The following OSBPL6 variants were observed in gnomAD, a reference collection of about 807,000 sequenced individuals.
OSBPL6 encodes the protein oxysterol-binding protein-related protein 6.
A neutral mutation model predicts 125.8 loss-of-function variants in OSBPL6; 49 were observed. The ratio of observed to expected loss-of-function variants is 0.39; its 90% CI spans 0.31 to 0.49. The LOEUF (loss-of-function observed/expected upper bound fraction) is 0.49. Among genes scored for constraint, OSBPL6 ranks in the 20% least tolerant of loss-of-function variants. The pLI, the probability that OSBPL6 is intolerant of heterozygous loss-of-function variation, is 0.88. For missense variants in OSBPL6, 986 were observed against 1,135.4 expected (o/e 0.87, Z 1.89); for synonymous variants, 394 against 391.8 (o/e 1.01, Z -0.07).
chr2:178,289,138 C>T (rs1025667160), intron 2 of OSBPL6, among the ~76,000 whole-genome samples: 2 of 151,140 alleles, frequency 1.3e-5, no homozygotes, highest in Non-Finnish European at 2.9e-5. Flanking sequence ...CTGGCTCACC[C>T]TCCCGAGTAG....
intron 2 of OSBPL6, among the ~76,000 whole-genome samples, chr2:178,298,126 GT>G (rs1685927392): frequency 6.6e-6 from 1 of 152,068 alleles, no homozygotes; most frequent in Admixed American, 6.5e-5. Flanking sequence ...TACAGTATTT[GT>G]TTTTTGTTCT....
chr2:178,329,827 A>G (rs16866256), intron 5 of OSBPL6, among the ~76,000 whole-genome samples: 3,858 of 152,268 alleles, frequency 0.025, 229 homozygotes, highest in East Asian at 0.22. Context: ...GGGCAGATAA[A>G]TTTATTGGCC....
intron 11 of OSBPL6, among the ~76,000 whole-genome samples, chr2:178,341,428 T>C (rs369437434): frequency 6.6e-6 from 1 of 151,888 alleles, no homozygotes; most frequent in Admixed American, 6.6e-5. Context: ...AGAAAAGTTA[T>C]GAAGATTTTT....
chr2:178,385,815 A>G (rs1203784052), intron 19 of OSBPL6, among the ~76,000 whole-genome samples: 1 of 152,232 alleles, frequency 6.6e-6, no homozygotes, highest in Non-Finnish European at 1.5e-5. Context: ...TATTGTCTGC[A>G]TCTGTAACAT....
intron 23 of OSBPL6, among the ~76,000 whole-genome samples, chr2:178,393,874 T>C (rs1338432066): frequency 1.3e-5 from 2 of 152,214 alleles, no homozygotes; most frequent in Non-Finnish European, 2.9e-5. Flanking sequence ...GTTCTCAAAA[T>C]AGACGGAGAA....
intron 21 of OSBPL6, 28 bp downstream of exon 21, chr2:178,389,181 A>G: frequency 1.9e-6 from 3 of 1,603,046 alleles, no homozygotes; most frequent in Non-Finnish European, 2.6e-6. Context: ...ACAGTAAAGG[A>G]AAATGAGTAT....
chr2:178,278,464 C>T (rs941328735), intron 1 of OSBPL6, among the ~76,000 whole-genome samples: 1 of 152,108 alleles, frequency 6.6e-6, no homozygotes, highest in African/African-American at 2.4e-5. Flanking sequence ...TCAATCAATA[C>T]TTAGTGGTGG....
chr2:178,227,338 A>G (rs1481315722), intron 1 of OSBPL6, among the ~76,000 whole-genome samples: 2 of 152,220 alleles, frequency 1.3e-5, no homozygotes, highest in Non-Finnish European at 2.9e-5. Context: ...GATCCACAGG[A>G]TCTCATATCC....
chr2:178,391,888 A>G (rs926353192), intron 22 of OSBPL6, among the ~76,000 whole-genome samples: 1 of 152,234 alleles, frequency 6.6e-6, no homozygotes, highest in Admixed American at 6.5e-5. Context: ...TAGCTTATTC[A>G]TTCCGCAACT....
intron 17 of OSBPL6, 119 bp from the exon 18 acceptor site, chr2:178,383,920 A>T (rs1694710898): frequency 8.6e-7 from 1 of 1,168,908 alleles, no homozygotes; most frequent in Admixed American, 2.2e-5. Flanking sequence ...TAGAAAATGC[A>T]ACTGTCATCA....
At chr2:178,252,151 G>A (rs113542188) in intron 1 of OSBPL6, among the ~76,000 whole-genome samples, 1,040 of 36,052 alleles carry the variant, frequency 0.029, 9 homozygotes, top group African/African-American at 0.25. Context: ...GAATGTTATC[G>A]TTTCATTTCT....
chr2:178,254,229 T>C (rs1243534701), intron 1 of OSBPL6, among the ~76,000 whole-genome samples: 1 of 152,010 alleles, frequency 6.6e-6, no homozygotes, highest in East Asian at 1.9e-4. Context: ...CCGTTTCTAC[T>C]AAAAATACAA....
intron 1 of OSBPL6, among the ~76,000 whole-genome samples, chr2:178,270,037 T>C (rs1473302350): frequency 1.3e-5 from 2 of 152,130 alleles, no homozygotes; most frequent in African/African-American, 2.4e-5. Flanking sequence ...TATGGGTTAG[T>C]GGCCACAGCC....
chr2:178,234,916 G>T (rs983822527), intron 1 of OSBPL6, among the ~76,000 whole-genome samples: 2 of 152,108 alleles, frequency 1.3e-5, no homozygotes, highest in African/African-American at 4.8e-5. Context: ...AGAGAGATTG[G>T]CCTTGGGTCC....
At chr2:178,368,971 A>G (rs1244965518) in intron 13 of OSBPL6, among the ~76,000 whole-genome samples, 1 of 151,912 alleles carries the variant, frequency 6.6e-6, no homozygotes, top group Non-Finnish European at 1.5e-5. Flanking sequence ...TAATTTTTGT[A>G]TTGTTAGTAG....
chr2:178,295,749 A>G (rs1398757194), intron 2 of OSBPL6, among the ~76,000 whole-genome samples: 1 of 151,970 alleles, frequency 6.6e-6, no homozygotes, highest in African/African-American at 2.4e-5. Flanking sequence ...AAAAATTGTA[A>G]TAAAACACAA....
intron 1 of OSBPL6, among the ~76,000 whole-genome samples, chr2:178,222,746 T>C (rs1416013762): frequency 6.6e-6 from 1 of 152,142 alleles, no homozygotes; most frequent in Non-Finnish European, 1.5e-5. Context: ...AGAAGTAATA[T>C]TTGTACAGGG....
chr2:178,253,566 A>G (rs1258379309), intron 1 of OSBPL6, among the ~76,000 whole-genome samples: 1 of 152,162 alleles, frequency 6.6e-6, no homozygotes, highest in Non-Finnish European at 1.5e-5. Flanking sequence ...AGTTGGGGAA[A>G]TGGTTCTTAT....
At chr2:178,389,272 G>A (rs1019068833) in intron 21 of OSBPL6, 119 bp downstream of exon 21, 1 of 982,480 alleles carries the variant, frequency 1.0e-6, no homozygotes, top group Non-Finnish European at 1.4e-6. Context: ...GGTCCTTACG[G>A]ACATTTTAGA....
Sources: gnomAD v4.1 joint callset for allele counts (sites outside exome capture counted in the v4.1 genomes callset) on GRCh38, gnomAD v4.1.1 for gene constraint, MANE v1.5 for transcripts, NCBI Gene and HGNC (gene_info 2026-07-23, HGNC 2026-07-21) for gene names.